GNG7: variants seen among roughly 807,000 people sequenced by gnomAD.
GNG7 encodes guanine nucleotide-binding protein G(I)/G(S)/G(O) subunit gamma-7.
GNG7 carries 1 observed loss-of-function variant against 4.0 expected under a neutral mutation model. That is an observed-to-expected ratio of 0.25 (90% CI 0.09 to 1.18). The LOEUF (loss-of-function observed/expected upper bound fraction) is 1.18. Among genes scored for constraint, GNG7 ranks in the 50% most tolerant of loss-of-function variants. The pLI, the probability that GNG7 is intolerant of heterozygous loss-of-function variation, is 0.50. For missense variants in GNG7, 86 were observed against 91.9 expected, an observed-to-expected ratio of 0.94 and a Z score of 0.26; for synonymous variants, 34 against 36.9, an observed-to-expected ratio of 0.92 and a Z score of 0.29.
Position 2,614,857 on chromosome 19 carries a change from AC to A in GNG7, c.-78+31366del, listed in dbSNP as rs1448008007. On this transcript the variant is annotated intron_variant, in intron 2 of 4. Coordinates refer to ENST00000382159, the MANE Select transcript of GNG7 (RefSeq NM_052847.3). The surrounding 1 kb of genome is among the most constrained non-coding windows in gnomAD (Gnocchi z 6.0). ...TCCGCGTTCAGCCTTTTGAGGAACC[AC>A]CAGACTGGTTTCCAAGGCGGCTGCC... 1.3e-5 allele frequency among the ~76,000 whole-genome samples: 2 copies of A among 152,192 alleles called. No homozygotes were observed. The highest frequency in any genetic ancestry group is 2.9e-5 in the Non-Finnish European group (2 of 68,036).
At chr19:2,560,042 TG>T (rs2144768340) in intron 2 of GNG7, among the ~76,000 whole-genome samples, 1 of 152,030 alleles carries the variant, frequency 6.6e-6, no homozygotes, top group East Asian at 1.9e-4. Flanking sequence ...AATGAGGGCG[TG>T]GTCCACCTAG....
intron 1 of GNG7, among the ~76,000 whole-genome samples, chr19:2,687,246 G>A (rs1983894803): frequency 6.6e-6 from 1 of 152,060 alleles, no homozygotes; most frequent in African/African-American, 2.4e-5. Context: ...TTTTTGTAGA[G>A]ATGGTGTCTT....
chr19:2,664,602 C>A (rs560686640), intron 1 of GNG7, among the ~76,000 whole-genome samples: 1 of 152,274 alleles, frequency 6.6e-6, no homozygotes, highest in South Asian at 2.1e-4. Flanking sequence ...GGCTCTGTGT[C>A]CTGCACCCTC....
At chr19:2,657,333 C>A (rs1983000661) in intron 1 of GNG7, among the ~76,000 whole-genome samples, 2 of 19,046 alleles carry the variant, frequency 1.1e-4, no homozygotes, top group Non-Finnish European at 9.6e-5. Flanking sequence ...GACCCCGTCT[C>A]AATTAAAAAA....
intron 2 of GNG7, chr19:2,642,257 CACGGG>C (rs1982527952): frequency 5.4e-6 from 1 of 185,930 alleles, no homozygotes; most frequent in Admixed American, 5.3e-5. Flanking sequence ...CAAAAGGGCC[CACGGG>C]AGATCAGAAA....
intron 3 of GNG7, chr19:2,538,760 ATATTTTTCT>A (rs201812115): frequency 0.05 from 20,911 of 416,842 alleles, 667 homozygotes; most frequent in Non-Finnish European, 0.059. Flanking sequence ...CTAGATATAT[ATATTTTTCT>A]TTTTTTTCTT....
chr19:2,597,845 G>A (rs1170254078), intron 2 of GNG7, among the ~76,000 whole-genome samples: 23 of 149,532 alleles, frequency 1.5e-4, no homozygotes, highest in African/African-American at 5.2e-4. Flanking sequence ...GCAGTGAGCC[G>A]AGATTGCGCC....
At chr19:2,661,354 AAG>A (rs774201079) in intron 1 of GNG7, among the ~76,000 whole-genome samples, 7 of 147,598 alleles carry the variant, frequency 4.7e-5, no homozygotes, top group African/African-American at 1.5e-4. Context: ...GAAAGAAAGA[AAG>A]AAAGAAATGG....
At chr19:2,586,787 C>A (rs1198079862) in intron 2 of GNG7, among the ~76,000 whole-genome samples, 2 of 151,724 alleles carry the variant, frequency 1.3e-5, no homozygotes, top group African/African-American at 4.8e-5. Context: ...GAGTTTGAAA[C>A]CAGCCTGGCC....
chr19:2,555,622 G>C lies in GNG7; in HGVS notation c.-77-434C>G, dbSNP rs371809536. 2.6e-5 allele frequency among the ~76,000 whole-genome samples: 4 copies of C among 152,330 alleles called. No homozygotes were observed. In the East Asian group the frequency reaches 5.8e-4, roughly 22 times the overall value. On this transcript the variant is annotated intron_variant, in intron 2 of 4. Transcript: ENST00000382159. The stretch of plus-strand genomic sequence containing the variant: ...GTAAGCCACGTGCCGGGCAAAGGGA[G>C]AGGTGGAAAGTGGAAACTGGGGACA...
intron 4 of GNG7, among the ~76,000 whole-genome samples, chr19:2,516,742 G>A (rs1284251257): frequency 6.6e-6 from 1 of 152,166 alleles, no homozygotes; most frequent in Non-Finnish European, 1.5e-5. Context: ...GGCTGGGCCC[G>A]GTGAGGACGA....
At chr19:2,638,191 T>C (rs1982367056) in intron 2 of GNG7, among the ~76,000 whole-genome samples, 1 of 151,188 alleles carries the variant, frequency 6.6e-6, no homozygotes, top group African/African-American at 2.4e-5. Flanking sequence ...GGTGAAACCC[T>C]GTCTCTACTA....
chr19:2,568,962 G>T (rs1980057040), intron 2 of GNG7, among the ~76,000 whole-genome samples: 2 of 134,594 alleles, frequency 1.5e-5, no homozygotes. Flanking sequence ...TACGCATACA[G>T]ATCTGTGCAC....
intron 2 of GNG7, among the ~76,000 whole-genome samples, chr19:2,604,804 G>C (rs992418054): frequency 4.6e-5 from 7 of 152,164 alleles, no homozygotes; most frequent in Non-Finnish European, 8.8e-5. Flanking sequence ...AGACAGAGAT[G>C]CAGGGCAGTG....
chr19:2,594,428 AAGGAAGGAAGGAAGGAAGG>A lies in GNG7; in HGVS notation c.-77-39259_-77-39241del, dbSNP rs1344037610. ...GAGGGAAGGAAGGAAGGAAGGAAGGAAGGAAGGAAGGAAGGAAGGAGGAAGAAAGAAACTGCAAATTTAA... is the reference window on the plus strand; with the variant it reads ...GAGGGAAGGAAGGAAGGAAGGAAGGAAGGAAGAAAGAAACTGCAAATTTAA... On this transcript the variant is annotated intron_variant, in intron 2 of 4. Transcript: ENST00000382159. 2.3e-3 allele frequency among the ~76,000 whole-genome samples: 321 copies of A among 140,784 alleles called. 1 individual carries two copies. Among genetic ancestry groups the A allele is most frequent in the African/African-American group, 8.7e-3 (310 of 35,772 alleles). 92.4% of individuals were successfully genotyped at this position (140,784 alleles called of 152,430 possible).
chr19:2,656,764 T>A (rs529829388), intron 1 of GNG7, among the ~76,000 whole-genome samples: 17 of 152,272 alleles, frequency 1.1e-4, no homozygotes, highest in African/African-American at 3.9e-4. Flanking sequence ...ACAGCACAGC[T>A]GGGAGGCCTC....
chr19:2,538,040 G>A (rs1449155532), intron 3 of GNG7: 3 of 427,204 alleles, frequency 7.0e-6, no homozygotes, highest in East Asian at 1.4e-4. Context: ...TTGCGCCACT[G>A]CCCTCCAGCC....
chr19:2,668,756 T>C (rs1983376775), intron 1 of GNG7, among the ~76,000 whole-genome samples: 1 of 152,166 alleles, frequency 6.6e-6, no homozygotes, highest in African/African-American at 2.4e-5. Context: ...CGTGACATCC[T>C]GATCTTTGCA....
intron 1 of GNG7, among the ~76,000 whole-genome samples, chr19:2,649,303 C>T (rs1038360672): frequency 4.6e-5 from 7 of 151,722 alleles, no homozygotes; most frequent in African/African-American, 1.5e-4. Flanking sequence ...ACCCTGCCAG[C>T]GACACCGTAC....
Sources: allele counts gnomAD v4.1 joint callset (sites outside exome capture counted in the v4.1 genomes callset), GRCh38; gene constraint gnomAD v4.1.1; non-coding constraint Gnocchi (gnomAD v3.1); transcripts MANE v1.5; gene names NCBI Gene and HGNC (gene_info 2026-07-23, HGNC 2026-07-21).